Variants in HYDIN observed in about 807,000 individuals in gnomAD.
HYDIN encodes the protein HYDIN axonemal central pair apparatus protein.
A neutral mutation model predicts 403.9 loss-of-function variants in HYDIN; 132 were observed. The ratio of observed to expected loss-of-function variants is 0.33; its 90% CI spans 0.28 to 0.38. The LOEUF is 0.38. Ranked by LOEUF, HYDIN falls within the 10% of genes least tolerant of loss-of-function variation. The probability of loss-of-function intolerance (pLI) is 1.00; values close to 1 mark genes in which losing one functional copy is unlikely to be tolerated. For synonymous variants in HYDIN, 1,202 were observed against 1,891.7 expected (o/e 0.64, Z 9.46); for missense variants, 2,827 against 5,009.5 (o/e 0.56, Z 13.15).
chr16:71,137,715 TGAG>T (rs2084985823), intron 7 of HYDIN, among the ~76,000 whole-genome samples: 2 of 152,152 alleles, frequency 1.3e-5, no homozygotes, highest in South Asian at 4.1e-4. Flanking sequence ...AGCTCATGCA[TGAG>T]CTTGATTTGT....
chr16:70,989,062 C>T (rs937787348), intron 25 of HYDIN, among the ~76,000 whole-genome samples: 1 of 151,720 alleles, frequency 6.6e-6, no homozygotes, highest in Non-Finnish European at 1.5e-5. Flanking sequence ...TATATATGTA[C>T]ATATATATTT....
Position 70,818,542 on chromosome 16 carries a change from A to C in HYDIN, c.14458T>G (p.Phe4820Val). 1 of 1,257,204 alleles carries C rather than the reference A, an allele frequency of 8.0e-7. No individual in the cohort carries two copies. The highest frequency in any genetic ancestry group is 1.1e-6 in the Non-Finnish European group (1 of 884,612). The allele number at this position is 1,257,204 out of a possible 1,614,324, so 77.9% of individuals were successfully genotyped here. The change falls in exon 84 of 86, where the codon TTC (phenylalanine) becomes GTC (valine). Residue 4820 changes from phenylalanine to valine, a missense_variant. Physicochemically the swap from Phe to Val is conservative, Grantham distance 50 (BLOSUM62 -1). Coordinates refer to ENST00000393567, the MANE Select transcript of HYDIN (RefSeq NM_001270974.2). ...VIFRNEVTNE[F>V]LYYNVSFRVI... ...CTGAAACTCACATTGTAGTACAAGAACTCATTTGTCACCTCGTTTCGGAAG... is the reference window on the plus strand; with the variant it reads ...CTGAAACTCACATTGTAGTACAAGACCTCATTTGTCACCTCGTTTCGGAAG...
chr16:71,051,163 C>T (rs2081622204), intron 18 of HYDIN, among the ~76,000 whole-genome samples: 1 of 151,792 alleles, frequency 6.6e-6, no homozygotes, highest in African/African-American at 2.4e-5. Context: ...AAGTGATTCA[C>T]AACCAGAGAA....
chr16:71,151,459 C>T (rs2085534487), intron 7 of HYDIN, among the ~76,000 whole-genome samples: 1 of 151,670 alleles, frequency 6.6e-6, no homozygotes, highest in African/African-American at 2.4e-5. Context: ...TCTATCTACA[C>T]ACAGATCACC....
chr16:70,940,870 A>G (rs992085245), intron 43 of HYDIN, among the ~76,000 whole-genome samples: 5 of 152,342 alleles, frequency 3.3e-5, no homozygotes, highest in African/African-American at 1.2e-4. Context: ...GTGTGGCTGG[A>G]GCCGAAGCTC....
intron 28 of HYDIN, among the ~76,000 whole-genome samples, chr16:70,981,944 C>G (rs2656782): frequency 6.6e-6 from 1 of 151,976 alleles, no homozygotes; most frequent in African/African-American, 2.4e-5. Context: ...CTGGCTAACA[C>G]GGTAAAACCC....
intron 75 of HYDIN, among the ~76,000 whole-genome samples, chr16:70,848,073 C>T (rs1031363446): frequency 1.4e-5 from 2 of 141,652 alleles, no homozygotes; most frequent in African/African-American, 5.3e-5. Context: ...TCCCATCTGC[C>T]ACAGCTGATT....
intron 18 of HYDIN, among the ~76,000 whole-genome samples, chr16:71,045,127 C>A (rs2081410991): frequency 6.6e-6 from 1 of 152,166 alleles, no homozygotes. Context: ...TCTCCCTGGA[C>A]ATGTAGGTCT....
At chr16:70,880,633 G>A (rs2040737103) in intron 60 of HYDIN, among the ~76,000 whole-genome samples, 2 of 152,166 alleles carry the variant, frequency 1.3e-5, no homozygotes, top group Non-Finnish European at 2.9e-5. Context: ...AATCTGAGAG[G>A]GTTTCTGCTC....
At chr16:71,227,281 T>C (rs932343315) in intron 1 of HYDIN, among the ~76,000 whole-genome samples, 13 of 152,024 alleles carry the variant, frequency 8.6e-5, no homozygotes, top group African/African-American at 2.9e-4. Flanking sequence ...ACATCATTAA[T>C]CACCAGGAAA....
chr16:71,174,922 A>C (rs935554645), intron 5 of HYDIN, among the ~76,000 whole-genome samples: 2 of 152,166 alleles, frequency 1.3e-5, no homozygotes, highest in Non-Finnish European at 1.5e-5. Context: ...CTCTTTTGCA[A>C]ACTAGTTAGA....
At chr16:70,950,662 G>A (rs1198063857) in intron 41 of HYDIN, among the ~76,000 whole-genome samples, 1 of 151,492 alleles carries the variant, frequency 6.6e-6, no homozygotes, top group Non-Finnish European at 1.5e-5. Context: ...CTTCCCAGTG[G>A]ATGGGCCTCC....
chr16:70,807,746 T>A lies in HYDIN; in HGVS notation c.15200A>T (p.Glu5067Val). 1 of 1,614,054 alleles carries A rather than the reference T, an allele frequency of 6.2e-7. No homozygotes were observed. Among genetic ancestry groups the A allele is most frequent in the Non-Finnish European group, 8.5e-7 (1 of 1,180,014 alleles). The change falls in exon 86 of 86, where the codon GAG (glutamate) becomes GTG (valine). Residue 5067 changes from glutamate to valine, a missense_variant. Physicochemically the swap from Glu to Val is moderately radical, Grantham distance 121. Transcript: ENST00000393567. ...DNPAFTIRAG[E>V]SVRPKKINNI... ...GTTGATCTTCTTGGGCCGCACAGAC[T>A]CTCCAGCGCGAATGGTGAAGGCTGG...
chr16:71,000,782 A>G (rs917947051), intron 23 of HYDIN, among the ~76,000 whole-genome samples: 8 of 152,128 alleles, frequency 5.3e-5, no homozygotes, highest in African/African-American at 1.9e-4. Flanking sequence ...AGGAGATTCT[A>G]GATGAACAGG....
chr16:71,012,275 A>T (rs1219803522), intron 23 of HYDIN, among the ~76,000 whole-genome samples: 1 of 152,282 alleles, frequency 6.6e-6, no homozygotes, highest in Non-Finnish European at 1.5e-5. Context: ...CTGTGTGGTC[A>T]TGAATGGCCA....
At chr16:70,909,149 CCTT>C (rs2076619670) in intron 47 of HYDIN, among the ~76,000 whole-genome samples, 1 of 151,328 alleles carries the variant, frequency 6.6e-6, no homozygotes, top group Admixed American at 6.6e-5. Context: ...GGGATTGTAG[CCTT>C]CTTGGTACCA....
intron 1 of HYDIN, chr16:71,203,652 C>T: frequency 2.3e-6 from 1 of 440,410 alleles, no homozygotes. Context: ...ATTAGGTAAC[C>T]CAGGACAGGT....
intron 84 of HYDIN, among the ~76,000 whole-genome samples, chr16:70,810,272 T>C (rs1044584311): frequency 1.4e-4 from 21 of 152,096 alleles, no homozygotes; most frequent in Admixed American, 6.6e-5. Flanking sequence ...GAAGCGCACA[T>C]AGGGAGATGT....
chr16:70,899,215 T>C (rs979954485), intron 53 of HYDIN, among the ~76,000 whole-genome samples: 5 of 152,064 alleles, frequency 3.3e-5, no homozygotes, highest in Non-Finnish European at 7.4e-5. Context: ...GTCTACTTCT[T>C]AACTCCTGGA....
Sources: allele counts gnomAD v4.1 joint callset (sites outside exome capture counted in the v4.1 genomes callset), GRCh38; gene constraint gnomAD v4.1.1; transcripts MANE v1.5; gene names NCBI Gene and HGNC (gene_info 2026-07-23, HGNC 2026-07-21).